Variants in ETV1 observed in about 807,000 individuals in gnomAD.
ETV1 encodes ETS variant transcription factor 1.
ETV1 carries 27 observed loss-of-function variants against 62.3 expected under a neutral mutation model. That is an observed-to-expected ratio of 0.43 (90% CI 0.32 to 0.60). The LOEUF (loss-of-function observed/expected upper bound fraction) is 0.60. Among genes scored for constraint, ETV1 ranks in the 20% least tolerant of loss-of-function variants. ETV1 has a pLI of 0.06. For missense variants in ETV1, 605 were observed against 605.8 expected (o/e 1.00, Z 0.01); for synonymous variants, 222 against 199.6 (o/e 1.11, Z -0.94).
chr7:13,938,423 T>G (rs1438302273), intron 7 of ETV1, among the ~76,000 whole-genome samples: 2 of 152,232 alleles, frequency 1.3e-5, no homozygotes, highest in Admixed American at 1.3e-4. Flanking sequence ...TAACTTCTTT[T>G]AAGAACTAAG....
intron 6 of ETV1, among the ~76,000 whole-genome samples, chr7:13,939,651 TGAAAG>T: frequency 6.6e-6 from 1 of 152,190 alleles, no homozygotes. Context: ...TAAGCATTAT[TGAAAG>T]GAAAATATAT....
intron 12 of ETV1, among the ~76,000 whole-genome samples, chr7:13,904,966 G>A (rs73681259): frequency 0.044 from 6,513 of 147,620 alleles, 488 homozygotes; most frequent in African/African-American, 0.15. Flanking sequence ...CCTAGATAAT[G>A]AGAATTTTCA....
intron 7 of ETV1, 33 bp downstream of exon 7, chr7:13,939,084 A>C: frequency 1.9e-6 from 3 of 1,590,082 alleles, no homozygotes; most frequent in Non-Finnish European, 2.6e-6. Context: ...AATAAGAACC[A>C]CTATCCTACA....
At chr7:13,957,910 C>T (rs936232251) in intron 6 of ETV1, among the ~76,000 whole-genome samples, 1 of 152,194 alleles carries the variant, frequency 6.6e-6, no homozygotes, top group Non-Finnish European at 1.5e-5. Context: ...CCTATGATCA[C>T]AACCGTGATA....
rs1781376097 is a variant in ETV1, at chr7:13,891,388, T to A, written c.*4478A>T. Reference sequence around the variant, plus strand: ...TCCCCATAGAAGCATAAATATAATTTTAGAATGAAAGTAACTAATACTGGA... The same window carrying A: ...TCCCCATAGAAGCATAAATATAATTATAGAATGAAAGTAACTAATACTGGA... On this transcript the variant is annotated 3_prime_UTR_variant, in exon 14 of 14. Coordinates refer to ENST00000430479, the MANE Select transcript of ETV1 (RefSeq NM_004956.5). 5 of 231,462 alleles carry A rather than the reference T, an allele frequency of 2.2e-5. No homozygotes were observed. In the East Asian group the frequency reaches 3.1e-4, roughly 14 times the overall value. 14.3% of individuals were successfully genotyped at this position (231,462 alleles called of 1,614,324 possible).
chr7:13,926,659 A>T (rs1468098347), intron 9 of ETV1, among the ~76,000 whole-genome samples: 2 of 152,186 alleles, frequency 1.3e-5, no homozygotes, highest in Admixed American at 1.3e-4. Flanking sequence ...ACCAACAACA[A>T]CAAAAAATGT....
intron 9 of ETV1, among the ~76,000 whole-genome samples, chr7:13,929,770 A>G (rs796291632): frequency 1.3e-5 from 2 of 152,230 alleles, no homozygotes; most frequent in African/African-American, 4.8e-5. Context: ...GGGAGCTTGC[A>G]TGCTTTCTAG....
At chr7:13,903,385 TC>T (rs1202831660) in intron 12 of ETV1, among the ~76,000 whole-genome samples, 1 of 152,170 alleles carries the variant, frequency 6.6e-6, no homozygotes, top group African/African-American at 2.4e-5. Flanking sequence ...CTATCAGACT[TC>T]CTGGTAACTC....
intron 9 of ETV1, among the ~76,000 whole-genome samples, chr7:13,921,952 A>G (rs1784895004): frequency 6.6e-6 from 1 of 152,200 alleles, no homozygotes. Flanking sequence ...AATAAAAATG[A>G]CAAACTGAAA....
intron 7 of ETV1, among the ~76,000 whole-genome samples, chr7:13,936,445 C>G (rs1049166117): frequency 6.6e-6 from 1 of 151,822 alleles, no homozygotes; most frequent in Non-Finnish European, 1.5e-5. Context: ...ATTAACTTCC[C>G]CACATGGGAT....
upstream of ETV1, chr7:13,990,772 G>A (rs965461616): frequency 6.6e-6 from 1 of 152,236 alleles, no homozygotes; most frequent in African/African-American, 2.4e-5. Flanking sequence ...GAGGCCGCGG[G>A]GATAGGACCA....
At chr7:13,954,654 G>T (rs543296641) in intron 6 of ETV1, among the ~76,000 whole-genome samples, 1 of 152,030 alleles carries the variant, frequency 6.6e-6, no homozygotes, top group East Asian at 1.9e-4. Flanking sequence ...ATGTAAAAAG[G>T]ATCTGTAGTT....
chr7:13,955,693 C>G (rs1054506180), intron 6 of ETV1, among the ~76,000 whole-genome samples: 2 of 152,142 alleles, frequency 1.3e-5, no homozygotes, highest in African/African-American at 4.8e-5. Context: ...ATTGTAGGAA[C>G]TAAATGTATT....
chr7:13,958,664 A>G (rs1789782383), intron 6 of ETV1: 1 of 152,150 alleles, frequency 6.6e-6, no homozygotes, highest in South Asian at 2.1e-4. Context: ...ACAGTGTAGC[A>G]TCGTGGTTAA....
chr7:13,892,039 T>C lies in ETV1; in HGVS notation c.*3827A>G. On this transcript the variant is annotated 3_prime_UTR_variant, in exon 14 of 14. Coordinates refer to ENST00000430479, the MANE Select transcript of ETV1 (RefSeq NM_004956.5). ...AATTCTGTAGCTTCTGGCAATATAT[T>C]TCTTTCCTGGTTATATAAAGATAAG... 4.3e-6 allele frequency: 1 copy of C among 232,070 alleles called. No individual in the cohort carries two copies. Among genetic ancestry groups the C allele is most frequent in the Non-Finnish European group, 8.5e-6 (1 of 117,362 alleles). 14.4% of individuals were successfully genotyped at this position (232,070 alleles called of 1,614,324 possible). A position where few individuals can be genotyped will look rare whatever the true frequency, so the allele number is the denominator to read the frequency against.
chr7:13,898,332 A>G (rs1782052641), intron 13 of ETV1, among the ~76,000 whole-genome samples: 1 of 152,362 alleles, frequency 6.6e-6, no homozygotes, highest in East Asian at 1.9e-4. Flanking sequence ...TATTCAAATT[A>G]TGTTTTATCT....
intron 5 of ETV1, among the ~76,000 whole-genome samples, chr7:13,984,128 T>A (rs1460222938): frequency 6.6e-6 from 1 of 152,008 alleles, no homozygotes; most frequent in Non-Finnish European, 1.5e-5. Context: ...TTGACTCTTA[T>A]GTCTAATAAG....
chr7:13,985,288 TAA>T (rs1782435989), intron 5 of ETV1: 1 of 152,122 alleles, frequency 6.6e-6, no homozygotes, highest in Admixed American at 6.6e-5. Context: ...TGTATTGCAG[TAA>T]GTTTCATTTA....
chr7:13,916,509 G>T (rs546459127), intron 9 of ETV1, among the ~76,000 whole-genome samples: 1 of 151,886 alleles, frequency 6.6e-6, no homozygotes, highest in South Asian at 2.1e-4. Flanking sequence ...ATGGTGGCGC[G>T]TGCCTGTCAT....
Sources: gnomAD v4.1 joint callset for allele counts (sites outside exome capture counted in the v4.1 genomes callset) on GRCh38, gnomAD v4.1.1 for gene constraint, MANE v1.5 for transcripts, NCBI Gene and HGNC (gene_info 2026-07-23, HGNC 2026-07-21) for gene names.